The following GPC5 variants were observed in gnomAD, a reference collection of about 807,000 sequenced individuals.
GPC5 encodes the protein glypican 5.
Under a neutral mutation model 53.9 loss-of-function variants are expected in GPC5, and 47 were observed. The ratio of observed to expected loss-of-function variants is 0.87; its 90% CI spans 0.69 to 1.11. GPC5 has a LOEUF of 1.11. GPC5 is among the 50% of genes most tolerant of loss of function. GPC5 has a pLI of 0.00. For missense variants in GPC5, 748 were observed against 713.1 expected (o/e 1.05, Z -0.56); for synonymous variants, 286 against 263.3 (o/e 1.09, Z -0.84).
intron 7 of GPC5, among the ~76,000 whole-genome samples, chr13:92,477,297 A>T (rs1879187635): frequency 6.6e-6 from 1 of 152,102 alleles, no homozygotes; most frequent in Non-Finnish European, 1.5e-5. Flanking sequence ...ACCTTATTCC[A>T]TTTCAAGCCA....
At chr13:91,655,426 T>C (rs1273782116) in intron 2 of GPC5, among the ~76,000 whole-genome samples, 1 of 152,102 alleles carries the variant, frequency 6.6e-6, no homozygotes, top group Admixed American at 6.6e-5. Flanking sequence ...TGTAATGTTA[T>C]TCATATATGG....
intron 7 of GPC5, among the ~76,000 whole-genome samples, chr13:92,148,055 C>G (rs2041881146): frequency 6.6e-6 from 1 of 151,984 alleles, no homozygotes; most frequent in Admixed American, 6.6e-5. Flanking sequence ...CTTCATTACG[C>G]TTTCATTTAT....
At chr13:92,448,655 G>T (rs1436276266) in intron 7 of GPC5, 2 of 151,818 alleles carry the variant, frequency 1.3e-5, no homozygotes, top group African/African-American at 4.8e-5. Context: ...CATGGATTTG[G>T]ACTCAGCATA....
At chr13:92,636,021 G>A (rs575483970) in intron 7 of GPC5, among the ~76,000 whole-genome samples, 16 of 152,298 alleles carry the variant, frequency 1.1e-4, no homozygotes, top group African/African-American at 3.4e-4. Flanking sequence ...TATAAATAGA[G>A]TGAATAAATT....
At chr13:92,496,318 T>C (rs1254221237) in intron 7 of GPC5, among the ~76,000 whole-genome samples, 1 of 152,220 alleles carries the variant, frequency 6.6e-6, no homozygotes, top group Non-Finnish European at 1.5e-5. Context: ...GGCAAATTTT[T>C]AAATGGCATT....
At chr13:91,975,474 A>G (rs1198703698) in intron 6 of GPC5, among the ~76,000 whole-genome samples, 1 of 152,214 alleles carries the variant, frequency 6.6e-6, no homozygotes, top group Non-Finnish European at 1.5e-5. Flanking sequence ...ATGAACAGAC[A>G]CTCCTCAAAA....
intron 7 of GPC5, among the ~76,000 whole-genome samples, chr13:92,402,268 C>T (rs893629040): frequency 3.3e-5 from 5 of 152,096 alleles, no homozygotes; most frequent in African/African-American, 1.2e-4. Context: ...CAAACAAAAT[C>T]ACAAAATAGC....
At chr13:92,008,971 A>G (rs947119111) in intron 6 of GPC5, among the ~76,000 whole-genome samples, 2 of 151,930 alleles carry the variant, frequency 1.3e-5, no homozygotes. Flanking sequence ...CATCTAGTGA[A>G]TTATTTATAT....
chr13:91,401,345 T>A (rs1034419913), intron 1 of GPC5, among the ~76,000 whole-genome samples: 4 of 151,942 alleles, frequency 2.6e-5, no homozygotes, highest in Admixed American at 2.0e-4. Context: ...ACATACCACA[T>A]GCTTAATAAA....
chr13:92,082,032 C>A (rs1219704555), intron 6 of GPC5, among the ~76,000 whole-genome samples: 1 of 152,014 alleles, frequency 6.6e-6, no homozygotes, highest in East Asian at 1.9e-4. Context: ...TGCCAAAGAA[C>A]CTTGGTAGTA....
intron 6 of GPC5, among the ~76,000 whole-genome samples, chr13:92,026,851 A>G (rs975953301): frequency 6.6e-6 from 1 of 152,172 alleles, no homozygotes; most frequent in African/African-American, 2.4e-5. Context: ...TTCTACCAAC[A>G]TGTTTCAAAA....
intron 2 of GPC5, among the ~76,000 whole-genome samples, chr13:91,692,071 C>T (rs1320409645): frequency 6.6e-6 from 1 of 152,096 alleles, no homozygotes; most frequent in African/African-American, 2.4e-5. Flanking sequence ...ATTATTCCAA[C>T]TTTCTATTTT....
At chr13:92,089,224 G>A (rs1438726752) in intron 6 of GPC5, among the ~76,000 whole-genome samples, 1 of 152,192 alleles carries the variant, frequency 6.6e-6, no homozygotes, top group Admixed American at 6.5e-5. Context: ...CACGAGGTCA[G>A]GAGATGGAGA....
chr13:91,866,101 C>G (rs915764854), intron 5 of GPC5, among the ~76,000 whole-genome samples: 1 of 152,156 alleles, frequency 6.6e-6, no homozygotes, highest in Non-Finnish European at 1.5e-5. Context: ...CTCCCGACCT[C>G]AGCTGATCGA....
At position 92,724,913 on chromosome 13, in the gene GPC5, A is replaced by C. The variant is rs185748963; in HGVS notation, c.1562-141369A>C. 6.1e-3 allele frequency among the ~76,000 whole-genome samples: 546 copies of C among 88,962 alleles called. 4 individuals are homozygous for C. Among genetic ancestry groups the C allele is most frequent in the African/African-American group, 0.014 (380 of 26,662 alleles). 58.4% of individuals were successfully genotyped at this position (88,962 alleles called of 152,430 possible). A position where few individuals can be genotyped will look rare whatever the true frequency, so the allele number is the denominator to read the frequency against. Reference sequence around the variant, plus strand: ...ACACACACACACACACACACACACAAGAAAGAAAAAACAAGAGAGTAGCTA... The same window carrying C: ...ACACACACACACACACACACACACACGAAAGAAAAAACAAGAGAGTAGCTA... On this transcript the variant is annotated intron_variant, in intron 7 of 7. Coordinates refer to ENST00000377067, the MANE Select transcript of GPC5 (RefSeq NM_004466.6).
chr13:92,623,957 C>G (rs1441919335), intron 7 of GPC5, among the ~76,000 whole-genome samples: 2 of 151,864 alleles, frequency 1.3e-5, no homozygotes, highest in Non-Finnish European at 2.9e-5. Context: ...CGGGTTCAAG[C>G]GATTCTCCTG....
intron 5 of GPC5, among the ~76,000 whole-genome samples, chr13:91,865,827 T>A (rs1335809536): frequency 6.6e-6 from 1 of 152,134 alleles, no homozygotes; most frequent in Admixed American, 6.5e-5. Context: ...ATCCCTCTAC[T>A]ACTTAGATGT....
intron 6 of GPC5, among the ~76,000 whole-genome samples, chr13:92,104,784 C>T (rs2138917484): frequency 6.6e-6 from 1 of 152,208 alleles, no homozygotes; most frequent in South Asian, 2.1e-4. Context: ...CTTTGTGCCT[C>T]AGAGGTCCTT....
At chr13:92,725,980 T>C (rs575784554) in intron 7 of GPC5, among the ~76,000 whole-genome samples, 1 of 151,750 alleles carries the variant, frequency 6.6e-6, no homozygotes. Flanking sequence ...TGTATCAGGC[T>C]TCATCTTCCA....
Sources: gnomAD v4.1 joint callset for allele counts (sites outside exome capture counted in the v4.1 genomes callset) on GRCh38, gnomAD v4.1.1 for gene constraint, MANE v1.5 for transcripts, NCBI Gene and HGNC (gene_info 2026-07-23, HGNC 2026-07-21) for gene names.